The following ADGRL2 variants were observed in gnomAD, a reference collection of about 807,000 sequenced individuals.
ADGRL2 encodes adhesion G protein-coupled receptor L2, also known as calcium-independent alpha-latrotoxin receptor 2.
Under a neutral mutation model 157.4 loss-of-function variants are expected in ADGRL2, and 44 were observed. The observed-to-expected ratio is 0.28, with a 90% CI of 0.22 to 0.36. The LOEUF (loss-of-function observed/expected upper bound fraction) is 0.36, where lower values mean the gene tolerates loss of function less well. Among genes scored for constraint, ADGRL2 ranks in the 10% least tolerant of loss-of-function variants. The pLI, the probability that ADGRL2 is intolerant of heterozygous loss-of-function variation, is 1.00. For missense variants in ADGRL2, 1,510 were observed against 1,768.9 expected, an observed-to-expected ratio of 0.85 and a Z score of 2.63; for synonymous variants, 585 against 624.7, an observed-to-expected ratio of 0.94 and a Z score of 0.95.
At chr1:81,946,851 A>T (rs997904465) in intron 6 of ADGRL2, among the ~76,000 whole-genome samples, 1 of 152,134 alleles carries the variant, frequency 6.6e-6, no homozygotes, top group Non-Finnish European at 1.5e-5. Context: ...TCATTTCGTG[A>T]ACAGTGGGTG....
chr1:81,992,610 T>G lies in ADGRL2; in HGVS notation c.*1465T>G, dbSNP rs1169027263. Among the ~76,000 whole-genome samples, 1 of 152,114 alleles carries G rather than the reference T, an allele frequency of 6.6e-6. No individual in the cohort carries two copies. The highest frequency in any genetic ancestry group is 1.5e-5 in the Non-Finnish European group (1 of 68,022). The stretch of plus-strand genomic sequence containing the variant: ...AATTGCCCACTACATATGCACAAAA[T>G]CTGCTGGATAAGTTTTAAGAGGGAT... On this transcript the variant is annotated 3_prime_UTR_variant, in exon 24 of 24. Transcript: ENST00000686636.
intron 1 of ADGRL2, among the ~76,000 whole-genome samples, chr1:81,831,093 C>T (rs183384388): frequency 3.9e-4 from 59 of 152,160 alleles, no homozygotes; most frequent in East Asian, 1.7e-3. Flanking sequence ...TATACTTACC[C>T]GAATGATGAT....
chr1:81,521,802 T>C (rs2079321969), intron 2 of ADGRL2, among the ~76,000 whole-genome samples: 1 of 152,208 alleles, frequency 6.6e-6, no homozygotes, highest in South Asian at 2.1e-4. Flanking sequence ...AATTAAATTC[T>C]TCTTTTCTTT....
At chr1:81,687,665 G>A (rs1212388931) in intron 3 of ADGRL2, among the ~76,000 whole-genome samples, 1 of 152,090 alleles carries the variant, frequency 6.6e-6, no homozygotes, top group Non-Finnish European at 1.5e-5. Flanking sequence ...GTGAGGTATT[G>A]TTACATTCAT....
chr1:81,499,025 T>G (rs1224695655), intron 2 of ADGRL2, among the ~76,000 whole-genome samples: 1 of 152,192 alleles, frequency 6.6e-6, no homozygotes, highest in Non-Finnish European at 1.5e-5. Flanking sequence ...TCACCTGCAG[T>G]GGTTTCTGTG....
At chr1:81,584,047 A>G (rs2080971996) in intron 3 of ADGRL2, among the ~76,000 whole-genome samples, 1 of 152,170 alleles carries the variant, frequency 6.6e-6, no homozygotes, top group South Asian at 2.1e-4. Flanking sequence ...TTTCTCTGAG[A>G]TTAGGCACAC....
intron 1 of ADGRL2, among the ~76,000 whole-genome samples, chr1:81,812,831 C>A (rs2090008880): frequency 6.6e-6 from 1 of 151,802 alleles, no homozygotes; most frequent in Non-Finnish European, 1.5e-5. Context: ...AACACGGGAA[C>A]TACTAATAAG....
At chr1:81,663,445 C>G (rs1352802409) in intron 3 of ADGRL2, among the ~76,000 whole-genome samples, 1 of 152,124 alleles carries the variant, frequency 6.6e-6, no homozygotes, top group Non-Finnish European at 1.5e-5. Flanking sequence ...TTTTGTATGA[C>G]TCTCGGGAAT....
chr1:81,624,371 A>T (rs1366650035), intron 3 of ADGRL2, among the ~76,000 whole-genome samples: 1 of 152,104 alleles, frequency 6.6e-6, no homozygotes, highest in Non-Finnish European at 1.5e-5. Flanking sequence ...ACTTGAGGCC[A>T]GGAGTTCAAG....
chr1:81,980,231 G>T (rs1661270862), intron 18 of ADGRL2, among the ~76,000 whole-genome samples: 1 of 151,614 alleles, frequency 6.6e-6, no homozygotes, highest in South Asian at 2.1e-4. Context: ...AATTTAAAAT[G>T]CAGTTCAAAA....
At chr1:81,800,790 G>A (rs376632039), upstream of ADGRL2, among the ~76,000 whole-genome samples, 1 of 150,680 alleles carries the variant, frequency 6.6e-6, no homozygotes. Flanking sequence ...TGGGCTAGGG[G>A]TTAGCGGTTG....
intron 1 of ADGRL2, among the ~76,000 whole-genome samples, chr1:81,726,684 C>A (rs185327283): frequency 6.6e-6 from 1 of 152,150 alleles, no homozygotes; most frequent in Non-Finnish European, 1.5e-5. Context: ...GTTCACTATA[C>A]GTACTCTAAA....
chr1:81,410,155 CAG>C (rs1173365246), intron 1 of ADGRL2, among the ~76,000 whole-genome samples: 1 of 152,130 alleles, frequency 6.6e-6, no homozygotes, highest in Non-Finnish European at 1.5e-5. Context: ...TTTTCATAAA[CAG>C]ATATTTTTCT....
intron 2 of ADGRL2, among the ~76,000 whole-genome samples, chr1:81,864,281 A>T (rs567549033): frequency 1.4e-5 from 2 of 142,368 alleles, no homozygotes; most frequent in South Asian, 4.8e-4. Flanking sequence ...TGGGGAATTA[A>T]GTGCCAAGTC....
At chr1:81,953,153 A>G in intron 10 of ADGRL2, 128 bp downstream of exon 10, 1 of 695,312 alleles carries the variant, frequency 1.4e-6, no homozygotes, top group Non-Finnish European at 2.4e-6. Context: ...TATCAGCTGT[A>G]CAAATGTTGG....
chr1:81,417,556 C>G (rs2077053642), intron 1 of ADGRL2, among the ~76,000 whole-genome samples: 1 of 152,090 alleles, frequency 6.6e-6, no homozygotes, highest in Non-Finnish European at 1.5e-5. Flanking sequence ...CAAGTCCTTT[C>G]AGCAATATGG....
chr1:81,901,582 A>ATAT (rs1557874710), intron 2 of ADGRL2, among the ~76,000 whole-genome samples: 1 of 144,230 alleles, frequency 6.9e-6, no homozygotes. Context: ...ATATATATAT[A>ATAT]TTTTTTTTTT....
At chr1:81,854,997 G>T (rs1392379077) in intron 2 of ADGRL2, among the ~76,000 whole-genome samples, 1 of 152,120 alleles carries the variant, frequency 6.6e-6, no homozygotes, top group African/African-American at 2.4e-5. Context: ...TTTTATTCTG[G>T]AAGTATTTCT....
At chr1:81,445,902 G>C (rs1158243639) in intron 2 of ADGRL2, among the ~76,000 whole-genome samples, 1 of 152,154 alleles carries the variant, frequency 6.6e-6, no homozygotes, top group Non-Finnish European at 1.5e-5. Context: ...CTGGCACCTA[G>C]TAAGCACTAA....
Sources: gnomAD v4.1 joint callset for allele counts (sites outside exome capture counted in the v4.1 genomes callset) on GRCh38, gnomAD v4.1.1 for gene constraint, MANE v1.5 for transcripts, NCBI Gene and HGNC (gene_info 2026-07-23, HGNC 2026-07-21) for gene names.